Variants in C16orf96 observed in about 807,000 individuals in gnomAD.
C16orf96 encodes chromosome 16 open reading frame 96, also known as uncharacterized protein C16orf96.
Under a neutral mutation model 103.6 loss-of-function variants are expected in C16orf96, and 108 were observed. That is an observed-to-expected ratio of 1.04 (90% CI 0.89 to 1.22). The LOEUF (loss-of-function observed/expected upper bound fraction) is 1.22. Ranked by LOEUF, C16orf96 falls within the 50% of genes most tolerant of loss-of-function variation. C16orf96 has a pLI of 0.00. For missense variants in C16orf96, 1,586 were observed against 1,464.2 expected (o/e 1.08, Z -1.36); for synonymous variants, 566 against 593.5 (o/e 0.95, Z 0.67).
rs371758416 is a variant in C16orf96 at position 4,579,020 on chromosome 16, C to A, written c.2236C>A (p.Leu746Ile). The change falls in exon 6 of 16, where the codon CTC becomes ATC. Residue 746 changes from leucine (L) to isoleucine (I), a missense_variant. Physicochemically the swap from Leu to Ile is conservative, Grantham distance 5. Coordinates refer to ENST00000444310, the MANE Select transcript of C16orf96 (RefSeq NM_001145011.2). ...KKIGSLQKSR[L>I]KEEELERIWG... is the part of the protein sequence containing the mutation. ...GATTGGCAGCCTCCAGAAATCTAGG[C>A]TCAAGGTTAGTGTCTCCGGCGAAGG... The A allele has an allele frequency of 6.4e-6, 10 of 1,551,328 alleles. No individual in the cohort carries two copies. Among genetic ancestry groups the A allele is most frequent in the Non-Finnish European group, 7.8e-6 (9 of 1,146,876 alleles).
At position 4,575,617 on chromosome 16, in the gene C16orf96, G is replaced by A; in HGVS notation, c.1137G>A (p.Gln379=). 1 of 1,518,572 alleles carries A rather than the reference G, an allele frequency of 6.6e-7. No homozygotes were observed. The highest frequency in any genetic ancestry group is 8.8e-7 in the Non-Finnish European group (1 of 1,132,774). 94.1% of individuals were successfully genotyped at this position (1,518,572 alleles called of 1,614,324 possible). Reference sequence around the variant, plus strand: ...GACCTGTGCCTGCCCCAGGTGCCCAGCCTCCACCACTGGGAGACTGGCCTG... The same window carrying A: ...GACCTGTGCCTGCCCCAGGTGCCCAACCTCCACCACTGGGAGACTGGCCTG... The part of the protein sequence containing the change: ...VLGPVPAPGA[Q]PPPLGDWPAL... The change falls in exon 5 of 16, where the codon CAG becomes CAA. Residue 379 remains glutamine, a synonymous_variant. Transcript: ENST00000444310.
intron 7 of C16orf96, among the ~76,000 whole-genome samples, chr16:4,581,167 T>TATATAC (rs1555506343): frequency 1.7e-5 from 2 of 120,688 alleles, no homozygotes; most frequent in Non-Finnish European, 3.5e-5. Flanking sequence ...TATATATATA[T>TATATAC]ATATATATAT....
At position 4,556,803 on chromosome 16, in the gene C16orf96, C is replaced by T. The variant is rs1353760970; in HGVS notation, c.314C>T (p.Ala105Val). The T allele has an allele frequency of 8.4e-6, 13 of 1,551,572 alleles. No homozygotes were observed. Among genetic ancestry groups the T allele is most frequent in the Non-Finnish European group, 1.1e-5 (13 of 1,147,026 alleles). ...LALLQDLPST[A>V]QLLEASQGTA... Reference sequence around the variant, plus strand: ...CTGCTGCAGGACCTGCCCTCCACTGCCCAGCTGCTGGAAGCCAGCCAGGGC... The same window carrying T: ...CTGCTGCAGGACCTGCCCTCCACTGTCCAGCTGCTGGAAGCCAGCCAGGGC... The change falls in exon 1 of 16, where the codon GCC becomes GTC. Residue 105 changes from alanine (A) to valine (V), a missense_variant. Transcript: ENST00000444310.
At chr16:4,574,572 C>G (rs1269941423) in intron 2 of C16orf96, 137 bp from the exon 3 acceptor site, 2 of 695,898 alleles carry the variant, frequency 2.9e-6, no homozygotes, top group Admixed American at 2.7e-5. Context: ...CCATGGAACC[C>G]TTTCCCACTC....
At chr16:4,539,122 C>T in the C16orf96 span, among the ~76,000 whole-genome samples, 1 of 152,256 alleles carries the variant, frequency 6.6e-6, no homozygotes, top group South Asian at 2.1e-4. Context: ...GGTCACTGTC[C>T]CTGCGCTTGA....
chr16:4,579,710 C>T (rs1165818685), intron 6 of C16orf96, among the ~76,000 whole-genome samples: 4 of 151,278 alleles, frequency 2.6e-5, no homozygotes, highest in African/African-American at 9.7e-5. Flanking sequence ...CTCCTGGGTT[C>T]AAGCAATTCT....
chr16:4,555,130 G>T (rs2059250294), upstream of C16orf96, among the ~76,000 whole-genome samples: 1 of 151,432 alleles, frequency 6.6e-6, no homozygotes, highest in South Asian at 2.1e-4. Flanking sequence ...GGGCGTGGTG[G>T]CAGGCGCCTG....
chr16:4,581,189 G>C (rs1485816169), intron 7 of C16orf96, among the ~76,000 whole-genome samples: 6 of 96,698 alleles, frequency 6.2e-5, no homozygotes, highest in Non-Finnish European at 1.1e-4. Context: ...TATATAATTA[G>C]CCAGGCGTAG....
chr16:4,562,908 AT>A, intron 1 of C16orf96: 1 of 1,422,048 alleles, frequency 7.0e-7, no homozygotes, highest in Non-Finnish European at 9.8e-7. Flanking sequence ...TCCTGGTTTC[AT>A]TTCACCTTCA....
the C16orf96 span, among the ~76,000 whole-genome samples, chr16:4,545,462 G>T: frequency 6.6e-6 from 1 of 152,192 alleles, no homozygotes; most frequent in East Asian, 1.9e-4. Context: ...AAAGTGCTGG[G>T]ATTACAGGCG....
chr16:4,575,473 G>A lies in C16orf96; in HGVS notation c.993G>A (p.Gly331=), dbSNP rs1464339215. The A allele has an allele frequency of 3.9e-6, 6 of 1,548,064 alleles. No individual in the cohort carries two copies. In the Admixed American group the frequency reaches 1.2e-4, roughly 30 times the overall value. ...AATTTGCACCTGGGCCTGCACCTGG[G>A]ACTGAACCTGTGCCAGGACTGGAGC... ...TTEFAPGPAP[G]TEPVPGLELG... is the part of the protein sequence containing the mutation. Residue 331 remains glycine (G), a synonymous_variant, in exon 5 of 16, where the codon GGG becomes GGA. Transcript: ENST00000444310.
chr16:4,587,529 C>CAAAAAAAAAAAAAAAAAAAAAAAAAAAA (rs59504956), intron 8 of C16orf96, among the ~76,000 whole-genome samples: 1 of 118,668 alleles, frequency 8.4e-6, no homozygotes, highest in African/African-American at 3.2e-5. Flanking sequence ...AACTCTGTCT[C>CAAAAAAAAAAAAAAAAAAAAAAAAAAAA]AAAAAAAAAA....
the C16orf96 span, among the ~76,000 whole-genome samples, chr16:4,547,683 TC>T: frequency 2.3e-4 from 10 of 42,828 alleles, no homozygotes; most frequent in African/African-American, 4.3e-4. Context: ...CTTCCTTCCT[TC>T]CTTCCTTCTT....
chr16:4,540,425 G>A, the C16orf96 span, among the ~76,000 whole-genome samples: 8 of 152,098 alleles, frequency 5.3e-5, no homozygotes, highest in African/African-American at 1.9e-4. Flanking sequence ...GTCATGTTGA[G>A]ATTTGTAGGT....
At chr16:4,548,961 T>A in the C16orf96 span, among the ~76,000 whole-genome samples, 1 of 151,688 alleles carries the variant, frequency 6.6e-6, no homozygotes, top group Non-Finnish European at 1.5e-5. Flanking sequence ...GCACTGGGGA[T>A]GTGGTGGAGT....
chr16:4,544,793 C>T, the C16orf96 span, among the ~76,000 whole-genome samples: 47 of 152,176 alleles, frequency 3.1e-4, no homozygotes, highest in African/African-American at 1.1e-3. Flanking sequence ...GTGCTCTGGG[C>T]CTCAGCTCCC....
the C16orf96 span, chr16:4,538,904 T>G: frequency 6.6e-6 from 1 of 152,126 alleles, no homozygotes; most frequent in African/African-American, 2.4e-5. Context: ...GGCCTAGAGC[T>G]GGGGCTGAGC....
In C16orf96 at chr16:4,583,787, T is replaced by TG. The variant is rs550095682; in HGVS notation, c.2353-3250dup. ...AAAATACAAAAAAATTAGCCAGGCG[T>TG]GGTGGCGCATGCCTGTAATCCTAGT... On this transcript the variant is annotated intron_variant, in intron 7 of 15. Coordinates refer to ENST00000444310, the MANE Select transcript of C16orf96 (RefSeq NM_001145011.2). 1.7e-3 allele frequency among the ~76,000 whole-genome samples: 256 copies of TG among 151,712 alleles called. 1 individual carries two copies. The highest frequency in any genetic ancestry group is 5.9e-3 in the African/African-American group (244 of 41,338).
intron 1 of C16orf96, 30 bp from the exon 2 acceptor site, chr16:4,571,531 G>C (rs1272642883): frequency 6.5e-7 from 1 of 1,537,746 alleles, no homozygotes; most frequent in African/African-American, 1.4e-5. Flanking sequence ...AGCCATACCC[G>C]GCTTCACATT....
Sources: allele counts gnomAD v4.1 joint callset (sites outside exome capture counted in the v4.1 genomes callset), GRCh38; gene constraint gnomAD v4.1.1; transcripts MANE v1.5; gene names NCBI Gene and HGNC (gene_info 2026-07-23, HGNC 2026-07-21).